Variants in OTUD7A observed in about 807,000 individuals in gnomAD.
OTUD7A encodes the protein OTU domain-containing protein 7A.
In OTUD7A, 12 loss-of-function variants were observed where a neutral mutation model predicts 65.7. That is an observed-to-expected ratio of 0.18 (90% CI 0.12 to 0.30). OTUD7A has a LOEUF of 0.30. Among genes scored for constraint, OTUD7A ranks in the 10% least tolerant of loss-of-function variants. The pLI is 1.00. For missense variants in OTUD7A, 1,148 were observed against 1,304.8 expected, an observed-to-expected ratio of 0.88 and a Z score of 1.85; for synonymous variants, 641 against 586.3, an observed-to-expected ratio of 1.09 and a Z score of -1.35.
At chr15:31,769,282 G>C (rs1567013128) in intron 1 of OTUD7A, among the ~76,000 whole-genome samples, 1 of 152,154 alleles carries the variant, frequency 6.6e-6, no homozygotes, top group Non-Finnish European at 1.5e-5. Context: ...GATTAAGAGA[G>C]ATAATATGTA....
chr15:31,858,712 C>T (rs1239564903), intron 1 of OTUD7A, among the ~76,000 whole-genome samples: 1 of 152,236 alleles, frequency 6.6e-6, no homozygotes, highest in Non-Finnish European at 1.5e-5. Context: ...CATCCCACTG[C>T]ACACCACCAA....
intron 1 of OTUD7A, among the ~76,000 whole-genome samples, chr15:31,864,165 C>A (rs947069883): frequency 6.6e-6 from 1 of 152,186 alleles, no homozygotes; most frequent in Non-Finnish European, 1.5e-5. Context: ...TTTGTCAAAG[C>A]CACTCAACAA....
chr15:31,739,220 C>A (rs1894272530), intron 1 of OTUD7A, among the ~76,000 whole-genome samples: 1 of 151,972 alleles, frequency 6.6e-6, no homozygotes, highest in Non-Finnish European at 1.5e-5. Flanking sequence ...TGTAGGGACC[C>A]AACAAACACC....
chr15:31,869,324 G>C (rs560315297), intron 1 of OTUD7A, among the ~76,000 whole-genome samples: 1 of 152,182 alleles, frequency 6.6e-6, no homozygotes, highest in Non-Finnish European at 1.5e-5. Flanking sequence ...CCCCGCCTTC[G>C]CCCAGGGCAG....
intron 1 of OTUD7A, among the ~76,000 whole-genome samples, chr15:31,816,418 C>T (rs368098209): frequency 3.3e-5 from 5 of 152,106 alleles, no homozygotes; most frequent in South Asian, 2.1e-4. Context: ...TGGCTGGGCA[C>T]GGTGGCTCAT....
At chr15:31,530,672 G>A in intron 6 of OTUD7A, 35 bp downstream of exon 6, 1 of 1,585,036 alleles carries the variant, frequency 6.3e-7, no homozygotes, top group Non-Finnish European at 8.6e-7. Flanking sequence ...CAGGCCTGGA[G>A]CCTGGCCACC....
intron 1 of OTUD7A, among the ~76,000 whole-genome samples, chr15:31,749,885 C>T (rs1476613812): frequency 3.9e-5 from 6 of 151,940 alleles, no homozygotes; most frequent in Admixed American, 6.6e-5. Flanking sequence ...ACAAAATCAA[C>T]GTGCAAAAAT....
Position 31,679,541 on chromosome 15 carries a change from A to C in OTUD7A, c.-99-22464T>G, listed in dbSNP as rs796166752. On this transcript the variant is annotated intron_variant, in intron 1 of 12. Transcript: ENST00000307050. Reference sequence around the variant, plus strand: ...TTCTCATGATAGTGAGTGAGTTCTCATGATAGTGAATGAGTTCTCATGAGA... The same window carrying C: ...TTCTCATGATAGTGAGTGAGTTCTCCTGATAGTGAATGAGTTCTCATGAGA... Among the ~76,000 whole-genome samples the C allele has an allele frequency of 7.6e-4, 115 of 152,162 alleles. 1 individual carries two copies. Among genetic ancestry groups the C allele is most frequent in the African/African-American group, 2.7e-3 (113 of 41,498 alleles).
Position 31,476,600 on chromosome 15 carries a change from CA to C in OTUD7A, c.*6693del, listed in dbSNP as rs1238593588. Reference sequence around the variant, plus strand: ...GACACTGTTTATTTGGCAATTCAAGCACAGGAATGCACATGTGTGGGCCCAC... The same window carrying C: ...GACACTGTTTATTTGGCAATTCAAGCCAGGAATGCACATGTGTGGGCCCAC... On this transcript the variant is annotated 3_prime_UTR_variant, in exon 13 of 13. Transcript: ENST00000307050. The C allele has an allele frequency of 6.6e-6, 1 of 152,258 alleles. No individual in the cohort carries two copies. The highest frequency in any genetic ancestry group is 1.5e-5 in the Non-Finnish European group (1 of 68,070). 9.4% of individuals were successfully genotyped at this position (152,258 alleles called of 1,614,324 possible). A position where few individuals can be genotyped will look rare whatever the true frequency, so the allele number is the denominator to read the frequency against.
At chr15:31,710,136 G>A (rs1893404620) in intron 1 of OTUD7A, among the ~76,000 whole-genome samples, 1 of 151,514 alleles carries the variant, frequency 6.6e-6, no homozygotes, top group Middle Eastern at 3.4e-3. Context: ...AATGTTATCA[G>A]TCACAGCCAT....
At chr15:31,538,559 T>C (rs973381172) in intron 5 of OTUD7A, among the ~76,000 whole-genome samples, 28 of 152,120 alleles carry the variant, frequency 1.8e-4, no homozygotes, top group African/African-American at 6.8e-4. Context: ...CCCTCACACA[T>C]CCAGGACAAA....
intron 1 of OTUD7A, among the ~76,000 whole-genome samples, chr15:31,725,483 C>G (rs550799335): frequency 2.0e-5 from 3 of 152,262 alleles, no homozygotes; most frequent in South Asian, 2.1e-4. Context: ...CGCAGAAGCC[C>G]GTGACTTTGA....
At chr15:31,747,115 G>C (rs1202531978) in intron 1 of OTUD7A, among the ~76,000 whole-genome samples, 1 of 152,038 alleles carries the variant, frequency 6.6e-6, no homozygotes, top group Non-Finnish European at 1.5e-5. Flanking sequence ...GTGTATTCTA[G>C]ATTTGAACAA....
At chr15:31,674,956 T>C (rs1015477876) in intron 1 of OTUD7A, among the ~76,000 whole-genome samples, 1 of 152,170 alleles carries the variant, frequency 6.6e-6, no homozygotes, top group African/African-American at 2.4e-5. Context: ...AGTCCACCCG[T>C]GGACTTCTTA....
intron 3 of OTUD7A, among the ~76,000 whole-genome samples, chr15:31,620,091 C>G (rs1459761891): frequency 6.6e-6 from 1 of 152,146 alleles, no homozygotes; most frequent in Non-Finnish European, 1.5e-5. Flanking sequence ...GTATGTTGAA[C>G]CAGCCTTGCA....
intron 1 of OTUD7A, among the ~76,000 whole-genome samples, chr15:31,763,946 G>A (rs1257848460): frequency 6.6e-6 from 1 of 152,146 alleles, no homozygotes. Context: ...TAATCTTCAA[G>A]AATGGGGAGG....
At chr15:31,767,433 T>C (rs528027370) in intron 1 of OTUD7A, 3 of 774,328 alleles carry the variant, frequency 3.9e-6, no homozygotes, top group Non-Finnish European at 7.2e-6. Flanking sequence ...ATTATTCATA[T>C]CATTGCTTCT....
chr15:31,485,370 C>A lies in OTUD7A; in HGVS notation c.1372-646G>T, dbSNP rs141328567. On this transcript the variant is annotated intron_variant, in intron 12 of 12. Coordinates refer to ENST00000307050, the MANE Select transcript of OTUD7A (RefSeq NM_001382637.1). ...GGATGCCAAATCGCTTCAGGAGTTC[C>A]TTTCTCACTCAGTTTGGCAAGGTGG... Among the ~76,000 whole-genome samples, 16 of 152,332 alleles carry A rather than the reference C, an allele frequency of 1.1e-4. No homozygotes were observed. The East Asian group carries it at 2.9e-3, about 28-fold the overall frequency.
intron 5 of OTUD7A, among the ~76,000 whole-genome samples, chr15:31,532,909 G>A (rs146166182): frequency 0.013 from 1,975 of 148,466 alleles, 27 homozygotes; most frequent in Non-Finnish European, 0.018. Flanking sequence ...ACTTAGGCCT[G>A]GGTGAAAGAG....
Sources: gnomAD v4.1 joint callset for allele counts (sites outside exome capture counted in the v4.1 genomes callset) on GRCh38, gnomAD v4.1.1 for gene constraint, MANE v1.5 for transcripts, NCBI Gene and HGNC (gene_info 2026-07-23, HGNC 2026-07-21) for gene names.